The following MANBA variants were observed in gnomAD, a reference collection of about 807,000 sequenced individuals.
MANBA encodes mannosidase beta.
Under a neutral mutation model 111.1 loss-of-function variants are expected in MANBA, and 83 were observed. That is an observed-to-expected ratio of 0.75 (90% CI 0.63 to 0.90). MANBA has a LOEUF of 0.90. Ranked by LOEUF, MANBA falls within the 40% of genes least tolerant of loss-of-function variation. The probability of loss-of-function intolerance (pLI) is 0.00; values close to 1 mark genes in which losing one functional copy is unlikely to be tolerated. For missense variants in MANBA, 1,036 were observed against 1,069.0 expected, an observed-to-expected ratio of 0.97 and a Z score of 0.43; for synonymous variants, 370 against 378.7, an observed-to-expected ratio of 0.98 and a Z score of 0.27.
chr4:102,749,438 AT>A (rs1423243177), intron 1 of MANBA, among the ~76,000 whole-genome samples: 1 of 152,230 alleles, frequency 6.6e-6, no homozygotes, highest in Non-Finnish European at 1.5e-5. Context: ...AAATGTTTAC[AT>A]TTTTTGAGAG....
At chr4:102,635,312 T>C (rs1432846977) in intron 15 of MANBA, among the ~76,000 whole-genome samples, 2 of 152,220 alleles carry the variant, frequency 1.3e-5, no homozygotes, top group African/African-American at 4.8e-5. Flanking sequence ...GAAGGCACAG[T>C]ACCTGGTGCG....
intron 14 of MANBA, among the ~76,000 whole-genome samples, chr4:102,637,851 T>C (rs1043428594): frequency 6.6e-6 from 1 of 152,060 alleles, no homozygotes; most frequent in Admixed American, 6.6e-5. Flanking sequence ...AAAGAAGGGG[T>C]CATGGGAACC....
intron 7 of MANBA, among the ~76,000 whole-genome samples, chr4:102,685,754 T>C (rs1168788466): frequency 1.3e-5 from 2 of 152,092 alleles, no homozygotes; most frequent in Non-Finnish European, 2.9e-5. Context: ...AGAACTCCTA[T>C]ATATAATACA....
In MANBA at chr4:102,760,633, G is replaced by T. The variant is rs575765968; in HGVS notation, c.177+85C>A. ...AAACCGACGAGAATGGCCCAGAGCTGGGGGCTGCCAGGCGGTTCCTGGGCC... is the reference window on the plus strand; with the variant it reads ...AAACCGACGAGAATGGCCCAGAGCTTGGGGCTGCCAGGCGGTTCCTGGGCC... On this transcript the variant is annotated intron_variant, in intron 1 of 16. Coordinates refer to ENST00000647097, the MANE Select transcript of MANBA (RefSeq NM_005908.4). 5.1e-6 allele frequency: 7 copies of T among 1,375,500 alleles called. No homozygotes were observed. In the African/African-American group the frequency reaches 8.7e-5, roughly 17 times the overall value. The allele number at this position is 1,375,500 out of a possible 1,614,324, so 85.2% of individuals were successfully genotyped here.
chr4:102,698,076 T>C (rs1408203296), intron 5 of MANBA, among the ~76,000 whole-genome samples: 3 of 151,994 alleles, frequency 2.0e-5, no homozygotes, highest in Non-Finnish European at 4.4e-5. Context: ...GGTATCTCAT[T>C]GTGGTTTTGA....
At chr4:102,634,405 A>C (rs1035500837) in intron 16 of MANBA, among the ~76,000 whole-genome samples, 12 of 152,212 alleles carry the variant, frequency 7.9e-5, no homozygotes, top group Admixed American at 5.2e-4. Context: ...CCAAACTTAC[A>C]AAATGCAGAT....
chr4:102,690,739 C>G lies in MANBA; in HGVS notation c.706G>C (p.Glu236Gln), dbSNP rs1171632644. Residue 236 changes from glutamate to glutamine, a missense_variant, in exon 6 of 17, where the codon GAG becomes CAG. Coordinates refer to ENST00000647097, the MANE Select transcript of MANBA (RefSeq NM_005908.4). ...KSAQEWNLEIESTFDVVSSKP... is the reference protein window; with the variant it reads ...KSAQEWNLEIQSTFDVVSSKP... ...GAGCTGACAACATCAAATGTAGACTCTATTTCCAGATTCCACTCCTGGGCA... is the reference window on the plus strand; with the variant it reads ...GAGCTGACAACATCAAATGTAGACTGTATTTCCAGATTCCACTCCTGGGCA... 1 of 1,583,676 alleles carries G rather than the reference C, an allele frequency of 6.3e-7. No individual in the cohort carries two copies. The highest frequency in any genetic ancestry group is 1.3e-5 in the African/African-American group (1 of 74,228).
At chr4:102,664,596 C>T (rs1731130282) in intron 11 of MANBA, 89 bp downstream of exon 11, 1 of 1,195,892 alleles carries the variant, frequency 8.4e-7, no homozygotes, top group African/African-American at 1.5e-5. Context: ...CCTCAGCCTC[C>T]CAAAGTGCTG....
At chr4:102,658,089 A>G (rs903621828) in intron 11 of MANBA, among the ~76,000 whole-genome samples, 189 bp from the exon 12 acceptor site, 1 of 152,188 alleles carries the variant, frequency 6.6e-6, no homozygotes, top group Non-Finnish European at 1.5e-5. Context: ...AATCCTTTAT[A>G]TCTTTTCATA....
chr4:102,760,850 G>T lies in MANBA; in HGVS notation c.45C>A (p.Gly15=), dbSNP rs1274649160. 6.4e-7 allele frequency: 1 copy of T among 1,571,178 alleles called. No homozygotes were observed. The highest frequency in any genetic ancestry group is 8.6e-7 in the Non-Finnish European group (1 of 1,159,378). ...LLLLLALCGA[G]TTAAELSYSL... ...TGTAACTGAGCTCCGCGGCGGTGGT[G>T]CCTGCACCGCACAGCGCGAGCAGCA... The change falls in exon 1 of 17, where the codon GGC becomes GGA. Residue 15 remains glycine (G), a synonymous_variant. Transcript: ENST00000647097.
intron 5 of MANBA, among the ~76,000 whole-genome samples, chr4:102,706,687 GA>G (rs538964977): frequency 3.4e-5 from 5 of 149,248 alleles, no homozygotes; most frequent in African/African-American, 4.9e-5. Flanking sequence ...AGATAACTCA[GA>G]AAAAAAAAGA....
intron 1 of MANBA, among the ~76,000 whole-genome samples, chr4:102,743,920 G>A (rs1488657129): frequency 1.3e-5 from 2 of 152,160 alleles, no homozygotes; most frequent in South Asian, 4.1e-4. Context: ...AGCTATGAGG[G>A]CCTCCCAGAG....
At chr4:102,743,449 C>T (rs1458941947) in intron 1 of MANBA, among the ~76,000 whole-genome samples, 3 of 152,140 alleles carry the variant, frequency 2.0e-5, no homozygotes, top group Non-Finnish European at 4.4e-5. Flanking sequence ...TATCCACTTT[C>T]GGGTGGTGCC....
intron 4 of MANBA, among the ~76,000 whole-genome samples, chr4:102,722,157 T>C (rs1422291754): frequency 2.0e-5 from 3 of 151,662 alleles, no homozygotes; most frequent in Non-Finnish European, 4.4e-5. Flanking sequence ...TAATGGGTAA[T>C]GGGTAGAGTT....
chr4:102,710,921 A>T (rs1722038055), intron 5 of MANBA, among the ~76,000 whole-genome samples: 1 of 152,148 alleles, frequency 6.6e-6, no homozygotes, highest in Admixed American at 6.5e-5. Flanking sequence ...ATAAGCAGAA[A>T]AATGAAACTG....
At chr4:102,636,587 C>T (rs1478589206) in intron 14 of MANBA, among the ~76,000 whole-genome samples, 1 of 152,062 alleles carries the variant, frequency 6.6e-6, no homozygotes, top group Admixed American at 6.6e-5. Context: ...TAACAAATAC[C>T]TCCCCTACTG....
chr4:102,722,102 G>A (rs544201147), intron 4 of MANBA, among the ~76,000 whole-genome samples: 1 of 151,188 alleles, frequency 6.6e-6, no homozygotes, highest in East Asian at 1.9e-4. Context: ...TGGGGAGAAG[G>A]AAATGGAGAG....
Position 102,728,499 on chromosome 4 carries a change from A to AG in MANBA, c.178-1817_178-1816insC, listed in dbSNP as rs145595213. 7.0e-3 allele frequency: 2,683 copies of AG among 381,780 alleles called. 55 individuals carry two copies. The highest frequency in any genetic ancestry group is 0.042 in the African/African-American group (1,982 of 47,340). The allele number at this position is 381,780 out of a possible 1,614,324, so 23.6% of individuals were successfully genotyped here. On this transcript the variant is annotated intron_variant, in intron 1 of 16. Transcript: ENST00000647097. Reference sequence around the variant, plus strand: ...TACCCATCTTTCACATTTGAAAAAAACAGGTAACTATAAGGTTAGCTGTTG... The same window carrying AG: ...TACCCATCTTTCACATTTGAAAAAAAGCAGGTAACTATAAGGTTAGCTGTTG...
At chr4:102,705,402 A>C (rs749809389) in intron 5 of MANBA, among the ~76,000 whole-genome samples, 19 of 152,162 alleles carry the variant, frequency 1.2e-4, no homozygotes, top group Non-Finnish European at 2.6e-4. Flanking sequence ...AATAGCCCCT[A>C]CATCTCCACA....
Sources: allele counts gnomAD v4.1 joint callset (sites outside exome capture counted in the v4.1 genomes callset), GRCh38; gene constraint gnomAD v4.1.1; transcripts MANE v1.5; gene names NCBI Gene and HGNC (gene_info 2026-07-23, HGNC 2026-07-21).